PLET1: variants seen among roughly 807,000 people sequenced by gnomAD.
PLET1 encodes the protein placenta-expressed transcript 1 protein.
Under a neutral mutation model 18.5 loss-of-function variants are expected in PLET1, and 20 were observed. The ratio of observed to expected loss-of-function variants is 1.08; its 90% CI spans 0.76 to 1.57. The LOEUF is 1.57. Among genes scored for constraint, PLET1 ranks in the 40% most tolerant of loss-of-function variants. The pLI is 0.00. For synonymous variants in PLET1, 93 were observed against 93.8 expected, an observed-to-expected ratio of 0.99 and a Z score of 0.05; for missense variants, 256 against 246.4, an observed-to-expected ratio of 1.04 and a Z score of -0.26.
chr11:112,255,329 A>G, intron 2 of PLET1, 59 bp downstream of exon 2: 1 of 1,495,198 alleles, frequency 6.7e-7, no homozygotes, highest in Non-Finnish European at 9.1e-7. Context: ...TTAGTGTAAA[A>G]CTGCATAAAC....
At chr11:112,254,537 ATG>A (rs57237248) in intron 2 of PLET1, among the ~76,000 whole-genome samples, 4,966 of 76,142 alleles carry the variant, frequency 0.065, 207 homozygotes, top group African/African-American at 0.19. Context: ...TGTGTGTGGT[ATG>A]TGTGTGTGTG....
At chr11:112,254,700 GGTAT>G (rs1172081938) in intron 2 of PLET1, among the ~76,000 whole-genome samples, 2 of 132,630 alleles carry the variant, frequency 1.5e-5, no homozygotes, top group Non-Finnish European at 3.2e-5. Context: ...TGGTGTGTGT[GGTAT>G]GTATGTGTGT....
intron 1 of PLET1, among the ~76,000 whole-genome samples, chr11:112,258,281 C>CTTTTTT (rs35254168): frequency 2.0e-5 from 2 of 97,690 alleles, no homozygotes; most frequent in Non-Finnish European, 4.1e-5. Flanking sequence ...TTCTTTCTTT[C>CTTTTTT]TTTTTTTTTT....
At chr11:112,252,287 T>C in intron 3 of PLET1, 61 bp downstream of exon 3, 1 of 1,446,794 alleles carries the variant, frequency 6.9e-7, no homozygotes, top group South Asian at 1.2e-5. Context: ...ACCCACAAGG[T>C]AATTTTCCAG....
rs111798699 is a variant in PLET1, at chr11:112,259,564, C to G, written c.184+842G>C. Among the ~76,000 whole-genome samples, 7 of 152,326 alleles carry G rather than the reference C, an allele frequency of 4.6e-5. 2 individuals are homozygous for G. Among genetic ancestry groups the G allele is most frequent in the African/African-American group, 1.7e-4 (7 of 41,584 alleles). ...TAAGATTCAAGAGCCAGTTCTATGA[C>G]TTACTAGAAGGGAGACTCTGGGCAG... On this transcript the variant is annotated intron_variant, in intron 1 of 3. Transcript: ENST00000338832.
intron 3 of PLET1, among the ~76,000 whole-genome samples, chr11:112,250,220 C>CTTTTTTTTTTTTTTTTTTTTTTTTT: frequency 2.0e-5 from 1 of 49,860 alleles, no homozygotes; most frequent in Non-Finnish European, 3.4e-5. Flanking sequence ...AGAAACAAAC[C>CTTTTTTTTTTTTTTTTTTTTTTTTT]TTTTTTTTTT....
At position 112,249,028 on chromosome 11, in the gene PLET1, C is replaced by T. The variant is rs538907903; in HGVS notation, c.449-54G>A. The T allele has an allele frequency of 2.3e-5, 35 of 1,500,546 alleles. 1 individual carries two copies. Among genetic ancestry groups the T allele is most frequent in the South Asian group, 1.2e-4 (10 of 81,578 alleles). The allele number at this position is 1,500,546 out of a possible 1,614,324, so 93.0% of individuals were successfully genotyped here. A position where few individuals can be genotyped will look rare whatever the true frequency, so the allele number is the denominator to read the frequency against. ...CACTGGAAAATGGCATCGGAACCTC[C>T]GTTGGGTGGTGGGTGGGCACTCGAG... On this transcript the variant is annotated intron_variant, in intron 3 of 3. Coordinates refer to ENST00000338832, the MANE Select transcript of PLET1 (RefSeq NM_001145024.1).
chr11:112,259,890 T>G (rs1329321304), intron 1 of PLET1, among the ~76,000 whole-genome samples: 2 of 151,942 alleles, frequency 1.3e-5, no homozygotes, highest in Non-Finnish European at 2.9e-5. Flanking sequence ...TACAAAAAAT[T>G]AGCCAGGCGT....
In PLET1 at chr11:112,249,854, G is replaced by A. The variant is rs190741878; in HGVS notation, c.449-880C>T. Among the ~76,000 whole-genome samples the A allele has an allele frequency of 5.1e-3, 778 of 151,934 alleles. 7 individuals carry two copies. Among genetic ancestry groups the A allele is most frequent in the African/African-American group, 0.018 (742 of 41,424 alleles). ...GGCCTGTAATCCCAGCTACTCAGGG[G>A]GCTGAGGCAGGAGAATCACTTGAAC... is the stretch of plus-strand genomic sequence containing the variant. On this transcript the variant is annotated intron_variant, in intron 3 of 3. Coordinates refer to ENST00000338832, the MANE Select transcript of PLET1 (RefSeq NM_001145024.1).
chr11:112,251,390 C>T (rs1566827285), intron 3 of PLET1, among the ~76,000 whole-genome samples: 1 of 151,930 alleles, frequency 6.6e-6, no homozygotes, highest in Non-Finnish European at 1.5e-5. Context: ...TCAAGACCAG[C>T]CTGGCCAACA....
intron 1 of PLET1, 171 bp downstream of exon 1, chr11:112,260,235 C>T (rs1860272793): frequency 1.4e-6 from 1 of 697,702 alleles, no homozygotes; most frequent in Non-Finnish European, 2.2e-6. Context: ...AAATAGCCCC[C>T]CAGCCCACTC....
In PLET1 at chr11:112,248,553, G is replaced by A. The variant is rs1226615698; in HGVS notation, c.*246C>T. The A allele has an allele frequency of 8.3e-6, 4 of 481,910 alleles. No homozygotes were observed. The highest frequency in any genetic ancestry group is 1.1e-5 in the Non-Finnish European group (3 of 275,728). 29.9% of individuals were successfully genotyped at this position (481,910 alleles called of 1,614,324 possible). On this transcript the variant is annotated 3_prime_UTR_variant, in exon 4 of 4. Coordinates refer to ENST00000338832, the MANE Select transcript of PLET1 (RefSeq NM_001145024.1). Reference sequence around the variant, plus strand: ...GGGAGAACCTAGGTGACTAAGTTCCGGCCAGTTCTAAATATTTTCAAAAAG... The same window carrying A: ...GGGAGAACCTAGGTGACTAAGTTCCAGCCAGTTCTAAATATTTTCAAAAAG...
rs1860126749 is a variant in PLET1 at position 112,248,912 on chromosome 11, T to C, written c.511A>G (p.Ile171Val). The C allele has an allele frequency of 1.7e-5, 26 of 1,551,340 alleles. No individual in the cohort carries two copies. The highest frequency in any genetic ancestry group is 2.3e-5 in the Non-Finnish European group (26 of 1,146,964). The change falls in exon 4 of 4, where the codon ATT becomes GTT. Residue 171 changes from isoleucine (I) to valine (V), a missense_variant. Ile to Val is a conservative substitution (Grantham distance 29). Transcript: ENST00000338832. ...TCGAGTCTGATACTCTTGGGTGTAA[T>C]CATGAAGAAAGGCTTGAAGGCTGAG... ...QSSAFKPFFM[I>V]TPKSIRLEGL...
intron 1 of PLET1, among the ~76,000 whole-genome samples, chr11:112,256,204 A>G (rs1468797252): frequency 6.6e-6 from 1 of 152,158 alleles, no homozygotes; most frequent in African/African-American, 2.4e-5. Context: ...TCCACTTGTT[A>G]ATTTCAGCCT....
intron 1 of PLET1, among the ~76,000 whole-genome samples, chr11:112,257,938 G>T (rs998057284): frequency 1.3e-5 from 2 of 152,222 alleles, no homozygotes; most frequent in East Asian, 3.9e-4. Flanking sequence ...AACCACGGGT[G>T]TGGGATCTGG....
chr11:112,254,209 GT>G (rs1860186459), intron 2 of PLET1, among the ~76,000 whole-genome samples: 4 of 149,448 alleles, frequency 2.7e-5, no homozygotes, highest in Non-Finnish European at 6.0e-5. Context: ...GTGTGTGTGT[GT>G]GTGTGTGTGA....
At position 112,248,757 on chromosome 11, in the gene PLET1, G is replaced by A. The variant is rs986394052; in HGVS notation, c.*42C>T. The A allele has an allele frequency of 2.4e-5, 37 of 1,533,980 alleles. No homozygotes were observed. Among genetic ancestry groups the A allele is most frequent in the Non-Finnish European group, 3.1e-5 (35 of 1,132,568 alleles). On this transcript the variant is annotated 3_prime_UTR_variant, in exon 4 of 4. Coordinates refer to ENST00000338832, the MANE Select transcript of PLET1 (RefSeq NM_001145024.1). ...CACTAGCTTGGAACTGAATGTAGGA[G>A]GATGCAGTGGAGGCAGAAACAATTG...
chr11:112,248,780 T>C lies in PLET1; in HGVS notation c.*19A>G, dbSNP rs1592887959. ...GAGGATGCAGTGGAGGCAGAAACAATTGTTTCCCTGGCTTCCCTTTAGAAG... is the reference window on the plus strand; with the variant it reads ...GAGGATGCAGTGGAGGCAGAAACAACTGTTTCCCTGGCTTCCCTTTAGAAG... On this transcript the variant is annotated 3_prime_UTR_variant, in exon 4 of 4. Transcript: ENST00000338832. The C allele has an allele frequency of 2.5e-5, 39 of 1,550,042 alleles. 1 individual carries two copies. The East Asian group carries it at 9.3e-4, about 37-fold the overall frequency.
chr11:112,258,285 T>A (rs12287893), intron 1 of PLET1, among the ~76,000 whole-genome samples: 2 of 144,314 alleles, frequency 1.4e-5, no homozygotes, highest in Non-Finnish European at 3.0e-5. Context: ...TTCTTTCTTT[T>A]TTTTTTTTTT....
Sources: allele counts gnomAD v4.1 joint callset (sites outside exome capture counted in the v4.1 genomes callset), GRCh38; gene constraint gnomAD v4.1.1; transcripts MANE v1.5; gene names NCBI Gene and HGNC (gene_info 2026-07-23, HGNC 2026-07-21).